IKBKB: variants seen among roughly 807,000 people sequenced by gnomAD.
IKBKB encodes the protein inhibitor of nuclear factor kappa B kinase subunit beta.
IKBKB carries 42 observed loss-of-function variants against 113.6 expected under a neutral mutation model. That is an observed-to-expected ratio of 0.37 (90% CI 0.29 to 0.48). IKBKB has a LOEUF of 0.48. Ranked by LOEUF, IKBKB falls within the 20% of genes least tolerant of loss-of-function variation. The pLI, the probability that IKBKB is intolerant of heterozygous loss-of-function variation, is 0.99. For synonymous variants in IKBKB, 296 were observed against 361.3 expected (o/e 0.82, Z 2.05); for missense variants, 673 against 939.7 (o/e 0.72, Z 3.71).
At chr8:42,292,363 CTGGCG>C (rs1016704356) in intron 4 of IKBKB, among the ~76,000 whole-genome samples, 21 of 152,148 alleles carry the variant, frequency 1.4e-4, no homozygotes, top group African/African-American at 5.1e-4. Flanking sequence ...CATGACTGGC[CTGGCG>C]TGGGTTGCAG....
chr8:42,313,312 G>T (rs540596393), intron 8 of IKBKB, among the ~76,000 whole-genome samples: 19 of 152,232 alleles, frequency 1.2e-4, no homozygotes, highest in African/African-American at 4.3e-4. Flanking sequence ...TTTGCTGGGT[G>T]TGGTGGCGCA....
intron 3 of IKBKB, among the ~76,000 whole-genome samples, chr8:42,289,580 G>C (rs866095243): frequency 6.6e-6 from 1 of 152,078 alleles, no homozygotes; most frequent in African/African-American, 2.4e-5. Context: ...GGTGGGCTCC[G>C]AAAGAGCCAG....
rs115446302 is a variant in IKBKB, at chr8:42,326,136, G to A, written c.2114+39G>A. 3.2e-3 allele frequency: 5,164 copies of A among 1,612,102 alleles called. 129 individuals carry two copies. In the African/African-American group the frequency reaches 0.061, roughly 19 times the overall value. ...AGCAGTGCCAAGTGTGACCATCAAG[G>A]GCACGTCAGGAGATCGGGGATGGAG... On this transcript the variant is annotated intron_variant, in intron 20 of 21. Transcript: ENST00000520810.
intron 2 of IKBKB, among the ~76,000 whole-genome samples, chr8:42,276,033 G>GT (rs1809015515): frequency 6.6e-6 from 1 of 152,050 alleles, no homozygotes; most frequent in South Asian, 2.1e-4. Context: ...CAGAGACGGG[G>GT]TTTTACCATG....
chr8:42,296,542 G>A (rs145798336), intron 5 of IKBKB, among the ~76,000 whole-genome samples: 444 of 152,160 alleles, frequency 2.9e-3, no homozygotes, highest in African/African-American at 9.9e-3. Flanking sequence ...CCAGCTACTC[G>A]GGGGGCTGAG....
chr8:42,307,463 C>A (rs1816767397), intron 7 of IKBKB, among the ~76,000 whole-genome samples: 1 of 152,172 alleles, frequency 6.6e-6, no homozygotes, highest in South Asian at 2.1e-4. Context: ...GAGAAGGAAT[C>A]ACACTGAACA....
At chr8:42,310,927 G>A (rs1411148234) in intron 8 of IKBKB, among the ~76,000 whole-genome samples, 3 of 152,112 alleles carry the variant, frequency 2.0e-5, no homozygotes, top group East Asian at 1.9e-4. Context: ...CTTATCCCCC[G>A]TGGTTGGAAG....
intron 20 of IKBKB, among the ~76,000 whole-genome samples, chr8:42,327,804 G>GTTTTTTTTTTTTT (rs1821069539): frequency 1.3e-3 from 19 of 14,820 alleles, no homozygotes; most frequent in South Asian, 4.5e-3. Flanking sequence ...GGCTAATTTT[G>GTTTTTTTTTTTTT]TATTTTTTTT....
chr8:42,314,274 C>A, intron 8 of IKBKB, 48 bp from the exon 9 acceptor site: 2 of 1,282,064 alleles, frequency 1.6e-6, no homozygotes, highest in Non-Finnish European at 2.3e-6. Flanking sequence ...AGAATGTGTC[C>A]CCGTCATAGC....
intron 5 of IKBKB, among the ~76,000 whole-genome samples, chr8:42,294,133 AG>A (rs1337334199): frequency 6.6e-6 from 1 of 152,196 alleles, no homozygotes. Context: ...AGACAGGGAG[AG>A]GGACTTGCTC....
intron 5 of IKBKB, among the ~76,000 whole-genome samples, chr8:42,304,599 G>C (rs1027660771): frequency 1.3e-5 from 2 of 152,168 alleles, no homozygotes; most frequent in Non-Finnish European, 2.9e-5. Context: ...AGGGCTGTCT[G>C]TATGTGTGGG....
At chr8:42,276,084 G>A (rs1214318327) in intron 2 of IKBKB, among the ~76,000 whole-genome samples, 2 of 152,076 alleles carry the variant, frequency 1.3e-5, no homozygotes, top group East Asian at 1.9e-4. Context: ...CAGGTGATCC[G>A]CCTGCCTCAG....
At position 42,330,101 on chromosome 8, in the gene IKBKB, C is replaced by T. The variant is rs2130740447; in HGVS notation, c.2206-813C>T. On this transcript the variant is annotated intron_variant, in intron 21 of 21. Transcript: ENST00000520810. ...GGGAGGAAGAGGAAGTCTCATCAGG[C>T]CAAGTCATGTGGTGAGGCTGGAAAT... The T allele has an allele frequency of 7.1e-6, 7 of 985,358 alleles. No individual in the cohort carries two copies. In the South Asian group the frequency reaches 3.3e-4, roughly 46 times the overall value. 61.0% of individuals were successfully genotyped at this position (985,358 alleles called of 1,614,324 possible).
chr8:42,293,538 C>G, intron 5 of IKBKB, 26 bp downstream of exon 5: 1 of 1,614,108 alleles, frequency 6.2e-7, no homozygotes, highest in South Asian at 1.1e-5. Context: ...GGAATTCAGG[C>G]CGTGTCCTTC....
At chr8:42,311,349 G>A (rs922296286) in intron 8 of IKBKB, among the ~76,000 whole-genome samples, 2 of 152,090 alleles carry the variant, frequency 1.3e-5, no homozygotes, top group African/African-American at 2.4e-5. Context: ...GATCACCTGA[G>A]GTCGAGTTTG....
chr8:42,316,397 C>G lies in IKBKB; in HGVS notation c.930+58C>G, dbSNP rs143918505. On this transcript the variant is annotated intron_variant, in intron 10 of 21. Transcript: ENST00000520810. The surrounding 1 kb of genome is among the most constrained non-coding windows in gnomAD (Gnocchi z 4.5). The stretch of plus-strand genomic sequence containing the variant: ...AAGCTGGGGTCCCCAGTGGAACATG[C>G]AGTTCTTAGGACAGAGCAGGGGATG... The G allele has an allele frequency of 3.7e-5, 60 of 1,606,020 alleles. No homozygotes were observed. The highest frequency in any genetic ancestry group is 4.9e-5 in the Non-Finnish European group (57 of 1,174,604).
At position 42,328,930 on chromosome 8, in the gene IKBKB, A is replaced by C. The variant is rs78054870; in HGVS notation, c.2115-194A>C. ...TTTTGCATTTTGGACAGTAACGCTCATATGTGGAAAGTGCATAACAAGATG... is the reference window on the plus strand; with the variant it reads ...TTTTGCATTTTGGACAGTAACGCTCCTATGTGGAAAGTGCATAACAAGATG... On this transcript the variant is annotated intron_variant, in intron 20 of 21. Transcript: ENST00000520810. 8.9e-3 allele frequency among the ~76,000 whole-genome samples: 1,349 copies of C among 152,324 alleles called. 26 individuals carry two copies. Among genetic ancestry groups the C allele is most frequent in the African/African-American group, 0.03 (1,242 of 41,566 alleles).
intron 3 of IKBKB, 43 bp from the exon 4 acceptor site, chr8:42,290,113 G>T (rs1269174702): frequency 2.1e-6 from 3 of 1,410,638 alleles, no homozygotes; most frequent in Non-Finnish European, 3.0e-6. Context: ...GATGGGTCTG[G>T]GCAGGAGCCT....
intron 19 of IKBKB, among the ~76,000 whole-genome samples, chr8:42,323,906 G>C (rs887238880): frequency 2.6e-5 from 4 of 152,222 alleles, no homozygotes; most frequent in Admixed American, 2.0e-4. Flanking sequence ...AGGTGAGAAG[G>C]CATGGCACCT....
Sources: gnomAD v4.1 joint callset for allele counts (sites outside exome capture counted in the v4.1 genomes callset) on GRCh38, gnomAD v4.1.1 for gene constraint, Gnocchi (gnomAD v3.1) non-coding constraint, MANE v1.5 for transcripts, NCBI Gene and HGNC (gene_info 2026-07-23, HGNC 2026-07-21) for gene names.